Variants in FGGY observed in about 807,000 individuals in gnomAD.
FGGY encodes the protein FGGY carbohydrate kinase domain containing.
FGGY carries 72 observed loss-of-function variants against 71.3 expected under a neutral mutation model. The ratio of observed to expected loss-of-function variants is 1.01; its 90% CI spans 0.84 to 1.23. The LOEUF (loss-of-function observed/expected upper bound fraction) is 1.23, where lower values mean the gene tolerates loss of function less well. FGGY is among the 50% of genes most tolerant of loss of function. FGGY has a pLI of 0.00. For synonymous variants in FGGY, 251 were observed against 250.3 expected (o/e 1.00, Z -0.02); for missense variants, 668 against 682.3 (o/e 0.98, Z 0.23).
At chr1:59,537,494 C>A (rs1315534685) in intron 7 of FGGY, among the ~76,000 whole-genome samples, 1 of 152,152 alleles carries the variant, frequency 6.6e-6, no homozygotes, top group Non-Finnish European at 1.5e-5. Flanking sequence ...TTGGAAAAAA[C>A]TACTTTAAAC....
intron 9 of FGGY, among the ~76,000 whole-genome samples, chr1:59,621,046 T>C (rs1419660155): frequency 2.0e-5 from 3 of 152,110 alleles, no homozygotes; most frequent in African/African-American, 7.2e-5. Flanking sequence ...GTGAGGGCTC[T>C]CTTCCTAACT....
chr1:59,387,379 G>A (rs2060196629), intron 5 of FGGY, among the ~76,000 whole-genome samples: 1 of 151,732 alleles, frequency 6.6e-6, no homozygotes, highest in Non-Finnish European at 1.5e-5. Flanking sequence ...CAAGGGTTTG[G>A]GCTTGAAATG....
At chr1:59,476,319 A>G (rs995654965) in intron 6 of FGGY, among the ~76,000 whole-genome samples, 2 of 152,248 alleles carry the variant, frequency 1.3e-5, no homozygotes, top group Non-Finnish European at 2.9e-5. Flanking sequence ...AACTCGTTTA[A>G]TGCCTTTAAC....
chr1:59,725,164 T>C (rs2097931623), intron 14 of FGGY, among the ~76,000 whole-genome samples: 1 of 152,246 alleles, frequency 6.6e-6, no homozygotes, highest in African/African-American at 2.4e-5. Context: ...CTAAATTCAT[T>C]GTTTTGCATG....
intron 4 of FGGY, among the ~76,000 whole-genome samples, chr1:59,347,545 G>A (rs991560898): frequency 6.6e-6 from 1 of 152,000 alleles, no homozygotes; most frequent in Non-Finnish European, 1.5e-5. Flanking sequence ...TGTGAATAGT[G>A]CCACAATAAA....
At chr1:59,616,379 G>A (rs555531948) in intron 9 of FGGY, among the ~76,000 whole-genome samples, 5 of 152,100 alleles carry the variant, frequency 3.3e-5, no homozygotes, top group Non-Finnish European at 5.9e-5. Context: ...ACTATCACAA[G>A]GACAAAAAAC....
Position 59,673,990 on chromosome 1 carries a change from A to G in FGGY, c.1418-49A>G, listed in dbSNP as rs752065955. On this transcript the variant is annotated intron_variant, in intron 13 of 15. Transcript: ENST00000303721. ...CTGCGGCTGCTTGTTGGCTCCTCAC[A>G]CTCCCCTGGCTCTGCTCCCTAACCA... 1.5e-5 allele frequency: 24 copies of G among 1,561,262 alleles called. No individual in the cohort carries two copies. In the Admixed American group the frequency reaches 4.3e-4, roughly 28 times the overall value.
chr1:59,706,754 G>A (rs1293878216), intron 14 of FGGY, among the ~76,000 whole-genome samples: 2 of 152,164 alleles, frequency 1.3e-5, no homozygotes, highest in Non-Finnish European at 2.9e-5. Context: ...CACACTCTTA[G>A]CCCTGTGACC....
intron 14 of FGGY, among the ~76,000 whole-genome samples, chr1:59,720,091 G>C (rs2097876621): frequency 6.6e-6 from 1 of 152,130 alleles, no homozygotes; most frequent in Admixed American, 6.5e-5. Flanking sequence ...TAGCATGCCA[G>C]CAATGAGCCT....
intron 3 of FGGY, among the ~76,000 whole-genome samples, chr1:59,342,619 G>C (rs1175197807): frequency 6.6e-6 from 1 of 152,124 alleles, no homozygotes; most frequent in Non-Finnish European, 1.5e-5. Context: ...GAATTATCCT[G>C]TGCAAGAAAA....
At chr1:59,499,211 T>TC (rs1336057278) in intron 6 of FGGY, among the ~76,000 whole-genome samples, 1 of 151,262 alleles carries the variant, frequency 6.6e-6, no homozygotes, top group East Asian at 1.9e-4. Context: ...ATATAGTAGT[T>TC]CCCCCTTGTC....
At chr1:59,603,502 T>A (rs1369346416) in intron 8 of FGGY, among the ~76,000 whole-genome samples, 2 of 152,202 alleles carry the variant, frequency 1.3e-5, no homozygotes, top group Non-Finnish European at 2.9e-5. Context: ...GTTTAACATA[T>A]AATAAACCAT....
At chr1:59,516,120 C>T (rs976804960) in intron 7 of FGGY, among the ~76,000 whole-genome samples, 18 of 151,984 alleles carry the variant, frequency 1.2e-4, no homozygotes, top group African/African-American at 4.1e-4. Flanking sequence ...TCTTTCTTTA[C>T]CCTTCACCTT....
At chr1:59,304,095 C>T (rs766879074) in intron 1 of FGGY, among the ~76,000 whole-genome samples, 7 of 152,000 alleles carry the variant, frequency 4.6e-5, no homozygotes, top group Admixed American at 6.5e-5. Flanking sequence ...TGTAGCCTCA[C>T]TTGTTTATTT....
At chr1:59,714,693 T>G (rs2097829415) in intron 14 of FGGY, among the ~76,000 whole-genome samples, 1 of 152,008 alleles carries the variant, frequency 6.6e-6, no homozygotes, top group Admixed American at 6.6e-5. Context: ...GATGGGACTT[T>G]GGAGTGAGTG....
intron 14 of FGGY, among the ~76,000 whole-genome samples, chr1:59,746,498 C>CT (rs34068383): frequency 0.062 from 9,409 of 151,970 alleles, 387 homozygotes; most frequent in Admixed American, 0.1. Flanking sequence ...TAAAACTTCC[C>CT]TTTTTTTGAG....
chr1:59,347,263 C>G (rs1312978704), intron 4 of FGGY, among the ~76,000 whole-genome samples: 1 of 111,590 alleles, frequency 9.0e-6, no homozygotes, highest in African/African-American at 3.5e-5. Context: ...CACCCCACAA[C>G]AGGCCCCGGT....
At chr1:59,577,087 T>C (rs370285261) in intron 8 of FGGY, among the ~76,000 whole-genome samples, 3 of 152,226 alleles carry the variant, frequency 2.0e-5, no homozygotes, top group African/African-American at 7.2e-5. Flanking sequence ...ACTTTCCATT[T>C]TCTTTATTCA....
At chr1:59,372,161 G>T (rs1220673703) in intron 4 of FGGY, among the ~76,000 whole-genome samples, 1 of 151,908 alleles carries the variant, frequency 6.6e-6, no homozygotes, top group East Asian at 1.9e-4. Flanking sequence ...TTGATAGACC[G>T]TTAGCAAGAC....
Sources: gnomAD v4.1 joint callset for allele counts (sites outside exome capture counted in the v4.1 genomes callset) on GRCh38, gnomAD v4.1.1 for gene constraint, MANE v1.5 for transcripts, NCBI Gene and HGNC (gene_info 2026-07-23, HGNC 2026-07-21) for gene names.